CDADC1: variants seen among roughly 807,000 people sequenced by gnomAD.
The protein encoded by CDADC1 is dCTP deaminase.
Under a neutral mutation model 54.9 loss-of-function variants are expected in CDADC1, and 39 were observed. That is an observed-to-expected ratio of 0.71 (90% CI 0.55 to 0.93). The LOEUF (loss-of-function observed/expected upper bound fraction) is 0.93. CDADC1 is among the 40% of genes least tolerant of loss of function. CDADC1 has a pLI of 0.00. For missense variants in CDADC1, 518 were observed against 618.8 expected, an observed-to-expected ratio of 0.84 and a Z score of 1.73; for synonymous variants, 186 against 204.0, an observed-to-expected ratio of 0.91 and a Z score of 0.75.
intron 4 of CDADC1, among the ~76,000 whole-genome samples, chr13:49,260,197 C>G (rs1952644406): frequency 6.6e-6 from 1 of 152,198 alleles, no homozygotes; most frequent in Admixed American, 6.5e-5. Flanking sequence ...TTCATGTCTA[C>G]TAACCTATTA....
chr13:49,260,055 C>G (rs192255874), intron 4 of CDADC1, among the ~76,000 whole-genome samples: 12 of 152,236 alleles, frequency 7.9e-5, no homozygotes, highest in East Asian at 3.9e-4. Flanking sequence ...GATTGCTCCA[C>G]TGCACTCCAG....
At position 49,275,074 on chromosome 13, in the gene CDADC1, C is replaced by T. The variant is rs544523099; in HGVS notation, c.1050+734C>T. Among the ~76,000 whole-genome samples, 54 of 148,750 alleles carry T rather than the reference C, an allele frequency of 3.6e-4. 1 individual carries two copies. The highest frequency in any genetic ancestry group is 1.5e-3 in the Admixed American group (22 of 14,710). On this transcript the variant is annotated intron_variant, in intron 6 of 9. Coordinates refer to ENST00000251108, the MANE Select transcript of CDADC1 (RefSeq NM_030911.4). ...GGACCAGGAGGATAACATGAATATT[C>T]TTGGTGAACATTCTTTTTTTTTTTT... is the stretch of plus-strand genomic sequence containing the variant.
chr13:49,284,113 G>A (rs748802901), intron 8 of CDADC1, among the ~76,000 whole-genome samples: 15 of 152,256 alleles, frequency 9.9e-5, no homozygotes, highest in Middle Eastern at 3.4e-3. Context: ...TCACAAACCA[G>A]GCTAGGACTG....
chr13:49,255,554 C>A (rs565032077), intron 2 of CDADC1, among the ~76,000 whole-genome samples: 2 of 152,198 alleles, frequency 1.3e-5, no homozygotes, highest in Non-Finnish European at 2.9e-5. Flanking sequence ...TTACTCAAAA[C>A]TGCCACAATT....
At chr13:49,273,458 T>C (rs548211351) in intron 5 of CDADC1, among the ~76,000 whole-genome samples, 1 of 152,368 alleles carries the variant, frequency 6.6e-6, no homozygotes, top group Non-Finnish European at 1.5e-5. Context: ...CTCAACATTG[T>C]ATAGAAGGAA....
At chr13:49,268,707 T>A (rs1757141541) in intron 5 of CDADC1, among the ~76,000 whole-genome samples, 1 of 152,194 alleles carries the variant, frequency 6.6e-6, no homozygotes, top group Admixed American at 6.5e-5. Context: ...TCATTTTTGT[T>A]AACTCTTCAA....
chr13:49,275,126 C>A (rs1212517151), intron 6 of CDADC1, among the ~76,000 whole-genome samples: 1 of 150,264 alleles, frequency 6.7e-6, no homozygotes, highest in Non-Finnish European at 1.5e-5. Flanking sequence ...CCCTCTGTCA[C>A]CCAGGCTGGA....
intron 4 of CDADC1, among the ~76,000 whole-genome samples, chr13:49,263,506 G>A (rs908248676): frequency 1.1e-4 from 17 of 152,300 alleles, no homozygotes; most frequent in African/African-American, 3.8e-4. Context: ...CAAAAAGTTT[G>A]TTGATATGGT....
chr13:49,287,635 G>C (rs1411714414), intron 9 of CDADC1, among the ~76,000 whole-genome samples: 1 of 152,008 alleles, frequency 6.6e-6, no homozygotes, highest in Admixed American at 6.6e-5. Context: ...ATCATAAAAA[G>C]GTTAATTTAT....
intron 8 of CDADC1, among the ~76,000 whole-genome samples, chr13:49,283,909 G>A (rs953360969): frequency 1.3e-5 from 2 of 152,218 alleles, no homozygotes; most frequent in Admixed American, 6.5e-5. Context: ...GTAAATGCAA[G>A]TAATTAACAT....
At chr13:49,251,602 C>G (rs1405341870) in intron 2 of CDADC1, among the ~76,000 whole-genome samples, 1 of 150,842 alleles carries the variant, frequency 6.6e-6, no homozygotes, top group East Asian at 1.9e-4. Context: ...TGAGAAATGA[C>G]ATTTATGTTT....
Position 49,282,378 on chromosome 13 carries a change from GC to G in CDADC1, c.1410+1681del, listed in dbSNP as rs1209426106. On this transcript the variant is annotated intron_variant, in intron 8 of 9. Coordinates refer to ENST00000251108, the MANE Select transcript of CDADC1 (RefSeq NM_030911.4). ...TCTGCCTGCCTCAGCCTCCCAAAGT[GC>G]TGGGACAAGCATGAGCCACTGTTCT... 2.6e-5 allele frequency among the ~76,000 whole-genome samples: 4 copies of G among 151,782 alleles called. No homozygotes were observed. The East Asian group carries it at 7.7e-4, about 29-fold the overall frequency.
chr13:49,275,087 CTTTT>C (rs68165171), intron 6 of CDADC1, among the ~76,000 whole-genome samples: 3 of 137,954 alleles, frequency 2.2e-5, no homozygotes, highest in Non-Finnish European at 1.6e-5. Context: ...GGTGAACATT[CTTTT>C]TTTTTTTTTT....
At chr13:49,251,426 A>G (rs932534849) in intron 2 of CDADC1, among the ~76,000 whole-genome samples, 14 of 152,076 alleles carry the variant, frequency 9.2e-5, no homozygotes, top group African/African-American at 3.4e-4. Flanking sequence ...AAAAACGTAT[A>G]AAAACTGGAC....
At chr13:49,262,421 C>T (rs946875072) in intron 4 of CDADC1, among the ~76,000 whole-genome samples, 1 of 152,286 alleles carries the variant, frequency 6.6e-6, no homozygotes, top group African/African-American at 2.4e-5. Flanking sequence ...GCACTCCAGC[C>T]TGGGCCACAG....
At chr13:49,266,950 A>ATAGTTT (rs1952829934) in intron 4 of CDADC1, among the ~76,000 whole-genome samples, 1 of 152,196 alleles carries the variant, frequency 6.6e-6, no homozygotes, top group South Asian at 2.1e-4. Context: ...CTTCGAGTAT[A>ATAGTTT]TAGTTTTAGC....
chr13:49,252,062 C>CA (rs745682957), intron 2 of CDADC1, among the ~76,000 whole-genome samples: 1 of 152,186 alleles, frequency 6.6e-6, no homozygotes, highest in Non-Finnish European at 1.5e-5. Context: ...CAGAAGGCAT[C>CA]AAAACAAAGA....
chr13:49,276,813 C>T (rs1342117559), intron 6 of CDADC1, among the ~76,000 whole-genome samples: 1 of 152,192 alleles, frequency 6.6e-6, no homozygotes, highest in Non-Finnish European at 1.5e-5. Context: ...TAGGGACTCT[C>T]TGTCTTGTTT....
chr13:49,268,634 C>T (rs1426447980), intron 5 of CDADC1, among the ~76,000 whole-genome samples: 1 of 152,062 alleles, frequency 6.6e-6, no homozygotes, highest in African/African-American at 2.4e-5. Context: ...CACTGTACTC[C>T]AGCTCCAGAG....
Sources: gnomAD v4.1 joint callset for allele counts (sites outside exome capture counted in the v4.1 genomes callset) on GRCh38, gnomAD v4.1.1 for gene constraint, MANE v1.5 for transcripts, NCBI Gene and HGNC (gene_info 2026-07-23, HGNC 2026-07-21) for gene names.